The following PPP6R2 variants were observed in gnomAD, a reference collection of about 807,000 sequenced individuals.
The protein encoded by PPP6R2 is protein phosphatase 6 regulatory subunit 2, also known as serine/threonine-protein phosphatase 6 regulatory subunit 2.
A neutral mutation model predicts 100.2 loss-of-function variants in PPP6R2; 62 were observed. The observed-to-expected ratio is 0.62, with a 90% CI of 0.50 to 0.76. The LOEUF (loss-of-function observed/expected upper bound fraction) is 0.76, where lower values mean the gene tolerates loss of function less well. Ranked by LOEUF, PPP6R2 falls within the 30% of genes least tolerant of loss-of-function variation. The pLI, the probability that PPP6R2 is intolerant of heterozygous loss-of-function variation, is 0.00. For synonymous variants in PPP6R2, 525 were observed against 514.7 expected, an observed-to-expected ratio of 1.02 and a Z score of -0.27; for missense variants, 1,142 against 1,276.3, an observed-to-expected ratio of 0.89 and a Z score of 1.60.
intron 15 of PPP6R2, among the ~76,000 whole-genome samples, chr22:50,437,301 C>A (rs1478531645): frequency 6.6e-6 from 1 of 152,220 alleles, no homozygotes; most frequent in African/African-American, 2.4e-5. Flanking sequence ...GAATATGGGG[C>A]GTATCTCAGA....
At chr22:50,339,637 G>C (rs1163336435), upstream of PPP6R2, among the ~76,000 whole-genome samples, 2 of 137,724 alleles carry the variant, frequency 1.5e-5, no homozygotes, top group East Asian at 4.8e-4. Context: ...GTGTTATGTG[G>C]TGTGTGTGTA....
intron 14 of PPP6R2, 75 bp from the exon 15 acceptor site, chr22:50,436,913 C>G: frequency 8.0e-7 from 1 of 1,255,438 alleles, no homozygotes; most frequent in Non-Finnish European, 1.1e-6. Flanking sequence ...TGGGCATGGT[C>G]CTGGGCGCTG....
At chr22:50,386,513 C>G (rs1235020747) in intron 2 of PPP6R2, among the ~76,000 whole-genome samples, 1 of 152,154 alleles carries the variant, frequency 6.6e-6, no homozygotes, top group Non-Finnish European at 1.5e-5. Context: ...GAACCTTGCT[C>G]AAATTGTAGT....
At chr22:50,428,698 A>G (rs2062621985) in intron 10 of PPP6R2, among the ~76,000 whole-genome samples, 1 of 152,182 alleles carries the variant, frequency 6.6e-6, no homozygotes, top group Admixed American at 6.6e-5. Flanking sequence ...CAGCCAGGGC[A>G]ACAGAGCAAG....
chr22:50,349,702 C>T (rs1231818530), intron 1 of PPP6R2, among the ~76,000 whole-genome samples: 2 of 146,722 alleles, frequency 1.4e-5, no homozygotes, highest in African/African-American at 2.5e-5. Context: ...TGGCATGCGC[C>T]TGTAATCCCA....
intron 8 of PPP6R2, among the ~76,000 whole-genome samples, chr22:50,420,911 C>G (rs922138177): frequency 6.6e-6 from 1 of 152,230 alleles, no homozygotes; most frequent in Non-Finnish European, 1.5e-5. Flanking sequence ...CAGGCTGGGA[C>G]GATGTCTAAC....
At chr22:50,413,465 G>C (rs1476501591) in intron 4 of PPP6R2, among the ~76,000 whole-genome samples, 1 of 152,156 alleles carries the variant, frequency 6.6e-6, no homozygotes, top group Non-Finnish European at 1.5e-5. Context: ...CTGCACTCCA[G>C]CCTGGGGGAC....
chr22:50,408,430 CTG>C (rs1395916756), intron 4 of PPP6R2, among the ~76,000 whole-genome samples: 2 of 152,134 alleles, frequency 1.3e-5, no homozygotes, highest in African/African-American at 4.8e-5. Flanking sequence ...CGCTGTAAAT[CTG>C]AGAGTTGCAA....
intron 10 of PPP6R2, among the ~76,000 whole-genome samples, chr22:50,425,044 A>C (rs1272172957): frequency 6.6e-6 from 1 of 152,174 alleles, no homozygotes; most frequent in Non-Finnish European, 1.5e-5. Context: ...AACTATTTTA[A>C]GGTGTGTCAC....
At chr22:50,411,812 G>A (rs992737126) in intron 4 of PPP6R2, among the ~76,000 whole-genome samples, 6 of 152,056 alleles carry the variant, frequency 3.9e-5, no homozygotes, top group South Asian at 2.1e-4. Context: ...TTGGGAGGCC[G>A]AGGCGGGCGG....
Position 50,418,975 on chromosome 22 carries a change from G to C in PPP6R2, c.727G>C (p.Glu243Gln). The C allele has an allele frequency of 3.1e-6, 5 of 1,611,800 alleles. No individual in the cohort carries two copies. Among genetic ancestry groups the C allele is most frequent in the Non-Finnish European group, 4.2e-6 (5 of 1,178,042 alleles). ...GCCAGACCCGCTCCTCACAGCGCTG[G>C]AGTCGTGAGTGCTGGTGGGCCGTGG... ...LEPDPLLTAL[E>Q]SQDCVEQLLK... The change falls in exon 7 of 24, where the codon GAG becomes CAG. Residue 243 changes from glutamate (E) to glutamine (Q), a missense_variant. Transcript: ENST00000612753.
intron 1 of PPP6R2, among the ~76,000 whole-genome samples, chr22:50,357,483 C>T (rs1414005298): frequency 1.3e-5 from 2 of 150,470 alleles, no homozygotes; most frequent in Admixed American, 6.7e-5. Context: ...TCCCCTTTTC[C>T]TCCCTGTCTC....
At chr22:50,416,020 C>T (rs2060480472) in intron 5 of PPP6R2, 72 bp from the exon 6 acceptor site, 2 of 1,425,426 alleles carry the variant, frequency 1.4e-6, no homozygotes, top group Admixed American at 1.7e-5. Context: ...AGTGCTGCAC[C>T]AAAGGGGAAA....
At chr22:50,415,494 C>T (rs2060406624) in intron 5 of PPP6R2, among the ~76,000 whole-genome samples, 1 of 152,228 alleles carries the variant, frequency 6.6e-6, no homozygotes, top group South Asian at 2.1e-4. Context: ...GTCAGGCAGC[C>T]TTTTAGCTGC....
chr22:50,442,574 G>T (rs911194553), intron 22 of PPP6R2, among the ~76,000 whole-genome samples: 1 of 123,618 alleles, frequency 8.1e-6, no homozygotes, highest in Non-Finnish European at 1.8e-5. Context: ...GTTTGAGACA[G>T]AGTCTTGCTC....
chr22:50,396,780 C>T (rs571873001), intron 3 of PPP6R2, among the ~76,000 whole-genome samples: 4 of 152,086 alleles, frequency 2.6e-5, no homozygotes, highest in South Asian at 2.1e-4. Context: ...GGTGGTCAGG[C>T]GTCCTCTTAG....
rs776551737 is a variant in PPP6R2, at chr22:50,406,821, C to T, written c.360C>T (p.Leu120=). ...ATGAGCCGCCTCTCAATCCTCTGCT[C>T]GCCAGTTTTTTCAGCAAGACCATTG... ...LDHEPPLNPL[L]ASFFSKTIGN... Residue 120 remains leucine, a synonymous_variant, in exon 4 of 24, where the codon CTC becomes CTT. Transcript: ENST00000612753. 9.9e-5 allele frequency: 160 copies of T among 1,613,986 alleles called. No individual in the cohort carries two copies. The highest frequency in any genetic ancestry group is 1.3e-4 in the East Asian group (6 of 44,900).
chr22:50,354,397 A>G (rs118138778), intron 1 of PPP6R2, among the ~76,000 whole-genome samples: 2,374 of 152,306 alleles, frequency 0.016, 28 homozygotes, highest in South Asian at 0.037. Context: ...AGCTTCCCCA[A>G]TAAGGAATCT....
Position 50,436,990 on chromosome 22 carries a change from G to T in PPP6R2, c.1605G>T (p.Val535=). ...ACCCCATCTGGCCTGTGTTTTAGGTGAGCACTCACCACCTTCACTCCTCAA... is the reference window on the plus strand; with the variant it reads ...ACCCCATCTGGCCTGTGTTTTAGGTTAGCACTCACCACCTTCACTCCTCAA... The part of the protein sequence containing the change: ...ETNRRNTVDL[V]STHHLHSSSE... Residue 535 remains valine (V), a splice_region_variant and synonymous_variant, in exon 15 of 24, where the codon GTG becomes GTT. Coordinates refer to ENST00000612753, the MANE Select transcript of PPP6R2 (RefSeq NM_001242898.2). 1 of 1,555,708 alleles carries T rather than the reference G, an allele frequency of 6.4e-7. No homozygotes were observed. The highest frequency in any genetic ancestry group is 2.4e-5 in the East Asian group (1 of 41,376).
Sources: allele counts gnomAD v4.1 joint callset (sites outside exome capture counted in the v4.1 genomes callset), GRCh38; gene constraint gnomAD v4.1.1; transcripts MANE v1.5; gene names NCBI Gene and HGNC (gene_info 2026-07-23, HGNC 2026-07-21).